The following TLL2 variants were observed in gnomAD, a reference collection of about 807,000 sequenced individuals.
The protein encoded by TLL2 is tolloid like 2.
In TLL2, 106 loss-of-function variants were observed where a neutral mutation model predicts 123.0. That is an observed-to-expected ratio of 0.86 (90% CI 0.74 to 1.01). The LOEUF (loss-of-function observed/expected upper bound fraction) is 1.01. TLL2 is among the 50% of genes least tolerant of loss of function. TLL2 has a pLI of 0.00. For missense variants in TLL2, 1,332 were observed against 1,336.7 expected, an observed-to-expected ratio of 1.00 and a Z score of 0.06; for synonymous variants, 494 against 516.8, an observed-to-expected ratio of 0.96 and a Z score of 0.60.
At chr10:96,463,251 C>T (rs558460209) in intron 2 of TLL2, among the ~76,000 whole-genome samples, 2 of 152,320 alleles carry the variant, frequency 1.3e-5, no homozygotes, top group South Asian at 4.1e-4. Context: ...AGGCATTGAG[C>T]CTGCAGCTTC....
intron 10 of TLL2, among the ~76,000 whole-genome samples, chr10:96,401,935 C>T (rs1368949101): frequency 6.6e-6 from 1 of 152,198 alleles, no homozygotes; most frequent in Non-Finnish European, 1.5e-5. Context: ...TCTGGCACCC[C>T]TTGGGTTCAG....
In TLL2 at chr10:96,404,740, A is replaced by T. The variant is rs569340862; in HGVS notation, c.1267+492T>A. Among the ~76,000 whole-genome samples, 12 of 152,292 alleles carry T rather than the reference A, an allele frequency of 7.9e-5. No homozygotes were observed. In the South Asian group the frequency reaches 2.3e-3, roughly 29 times the overall value. On this transcript the variant is annotated intron_variant, in intron 10 of 20. Coordinates refer to ENST00000357947, the MANE Select transcript of TLL2 (RefSeq NM_012465.4). ...CATTATATATATATATATAAAATGC[A>T]TAAATGTATTTTTTAATCAAAATGG...
intron 7 of TLL2, among the ~76,000 whole-genome samples, chr10:96,415,688 A>C (rs1311241332): frequency 8.8e-5 from 6 of 68,134 alleles, no homozygotes; most frequent in Non-Finnish European, 1.5e-4. Flanking sequence ...GAAAATGTAC[A>C]TATGTCACCT....
At position 96,499,864 on chromosome 10, in the gene TLL2, G is replaced by GA. The variant is rs541524798; in HGVS notation, c.175+13646dup. Among the ~76,000 whole-genome samples, 74 of 151,950 alleles carry GA rather than the reference G, an allele frequency of 4.9e-4. 1 individual carries two copies. The South Asian group carries it at 0.011, about 23-fold the overall frequency. On this transcript the variant is annotated intron_variant, in intron 1 of 20. Coordinates refer to ENST00000357947, the MANE Select transcript of TLL2 (RefSeq NM_012465.4). ...GTATTTTAAAAGGGTCAAAATTACT[G>GA]AAAAAAATACAAATTACAATACAAG...
Position 96,397,226 on chromosome 10 carries a change from G to A in TLL2, c.1344C>T (p.Ser448=). ...DSRLWVEFRS[S]SNILGKGFFA... ...AGAAGCCCTTGCCCAAGATGTTGCT[G>A]CTGCTGCGGAACTCCACCCAGAGCC... The change falls in exon 11 of 21, where the codon AGC becomes AGT. Residue 448 remains serine (S), a synonymous_variant. Coordinates refer to ENST00000357947, the MANE Select transcript of TLL2 (RefSeq NM_012465.4). The A allele has an allele frequency of 1.2e-6, 2 of 1,614,020 alleles. No individual in the cohort carries two copies. The highest frequency in any genetic ancestry group is 1.7e-5 in the Admixed American group (1 of 60,014).
In TLL2 at chr10:96,446,471, C is replaced by A. The variant is rs80329836; in HGVS notation, c.287-303G>T. Among the ~76,000 whole-genome samples the A allele has an allele frequency of 3.0e-3, 459 of 151,086 alleles. 1 individual carries two copies. The highest frequency in any genetic ancestry group is 7.2e-3 in the Admixed American group (109 of 15,088). ...CAAATTTACAAAGTTACCAGGCAAC[C>A]CCAAAATCAGCTTCCTCACGCGCCC... On this transcript the variant is annotated intron_variant, in intron 2 of 20. Transcript: ENST00000357947.
At chr10:96,433,157 CG>C (rs1189830304) in intron 3 of TLL2, among the ~76,000 whole-genome samples, 195 bp from the exon 4 acceptor site, 2 of 152,120 alleles carry the variant, frequency 1.3e-5, no homozygotes, top group East Asian at 3.9e-4. Flanking sequence ...GTAAATGTAC[CG>C]GGCTATGATG....
chr10:96,408,025 A>T (rs1196899727), intron 9 of TLL2, among the ~76,000 whole-genome samples: 1 of 152,178 alleles, frequency 6.6e-6, no homozygotes, highest in Non-Finnish European at 1.5e-5. Context: ...ATTAAATCAG[A>T]TTCCCTGGGA....
chr10:96,371,331 A>ATGT (rs1197410031), intron 19 of TLL2, among the ~76,000 whole-genome samples: 1 of 151,506 alleles, frequency 6.6e-6, no homozygotes, highest in Non-Finnish European at 1.5e-5. Context: ...AAAAAAAAAA[A>ATGT]AAAAGTAAAT....
chr10:96,411,367 T>C (rs868292244), intron 8 of TLL2, among the ~76,000 whole-genome samples: 37 of 152,128 alleles, frequency 2.4e-4, no homozygotes, highest in African/African-American at 8.7e-4. Context: ...ATCTTTCCTC[T>C]TCCTTTTCTG....
intron 2 of TLL2, among the ~76,000 whole-genome samples, chr10:96,467,988 A>G (rs1415002894): frequency 2.6e-5 from 4 of 152,164 alleles, no homozygotes; most frequent in Non-Finnish European, 5.9e-5. Flanking sequence ...CCATGACAAC[A>G]GCATTATAAA....
intron 19 of TLL2, among the ~76,000 whole-genome samples, chr10:96,371,000 G>A (rs1266918757): frequency 1.3e-5 from 2 of 152,114 alleles, no homozygotes; most frequent in African/African-American, 4.8e-5. Flanking sequence ...AGTACCTTGT[G>A]TCTTGGACAC....
intron 2 of TLL2, among the ~76,000 whole-genome samples, chr10:96,476,855 G>A (rs1296606127): frequency 1.5e-5 from 1 of 65,260 alleles, no homozygotes; most frequent in African/African-American, 5.8e-5. Context: ...TCCCTTTTAT[G>A]TTACACACAC....
chr10:96,503,937 G>A (rs1847556672), intron 1 of TLL2, among the ~76,000 whole-genome samples: 1 of 152,216 alleles, frequency 6.6e-6, no homozygotes, highest in Admixed American at 6.5e-5. Flanking sequence ...GCCAGGCAAA[G>A]CTGGAGGCCC....
At chr10:96,468,248 T>C (rs1847147897) in intron 2 of TLL2, among the ~76,000 whole-genome samples, 1 of 152,092 alleles carries the variant, frequency 6.6e-6, no homozygotes, top group Non-Finnish European at 1.5e-5. Flanking sequence ...TATAACCCCC[T>C]CCCTTAGAGA....
intron 2 of TLL2, among the ~76,000 whole-genome samples, chr10:96,469,190 T>G (rs1847155720): frequency 6.6e-6 from 1 of 152,222 alleles, no homozygotes; most frequent in African/African-American, 2.4e-5. Flanking sequence ...TTTCAGGGGT[T>G]TGGACTCAAC....
chr10:96,432,356 G>A (rs567504770), intron 4 of TLL2, among the ~76,000 whole-genome samples: 31 of 152,168 alleles, frequency 2.0e-4, no homozygotes, highest in African/African-American at 6.7e-4. Flanking sequence ...CCAGGGAGTC[G>A]AGCCATGTCC....
intron 3 of TLL2, among the ~76,000 whole-genome samples, chr10:96,437,016 T>G (rs1353184438): frequency 6.6e-6 from 1 of 152,148 alleles, no homozygotes; most frequent in East Asian, 1.9e-4. Context: ...TGGTTAGTGT[T>G]TGCCTCATAT....
At chr10:96,442,617 A>T (rs1236076854) in intron 3 of TLL2, among the ~76,000 whole-genome samples, 1 of 152,178 alleles carries the variant, frequency 6.6e-6, no homozygotes, top group Non-Finnish European at 1.5e-5. Context: ...CGAACAAACC[A>T]GGGCCATTTG....
Sources: allele counts gnomAD v4.1 joint callset (sites outside exome capture counted in the v4.1 genomes callset), GRCh38; gene constraint gnomAD v4.1.1; transcripts MANE v1.5; gene names NCBI Gene and HGNC (gene_info 2026-07-23, HGNC 2026-07-21).